Variants in CRMP1 observed in about 807,000 individuals in gnomAD.
The protein encoded by CRMP1 is dihydropyrimidinase-related protein 1.
Under a neutral mutation model 68.3 loss-of-function variants are expected in CRMP1, and 19 were observed. That is an observed-to-expected ratio of 0.28 (90% CI 0.19 to 0.41). CRMP1 has a LOEUF of 0.41. CRMP1 is among the 10% of genes least tolerant of loss of function. The probability of loss-of-function intolerance (pLI) is 1.00; values close to 1 mark genes in which losing one functional copy is unlikely to be tolerated. For missense variants in CRMP1, 791 were observed against 967.4 expected, an observed-to-expected ratio of 0.82 and a Z score of 2.42; for synonymous variants, 439 against 399.6, an observed-to-expected ratio of 1.10 and a Z score of -1.18.
rs1713347312 is a variant in CRMP1 at position 5,858,992 on chromosome 4, A to C, written c.655+2034T>G. Among the ~76,000 whole-genome samples, 1 of 152,074 alleles carries C rather than the reference A, an allele frequency of 6.6e-6. No homozygotes were observed. Among genetic ancestry groups the C allele is most frequent in the Admixed American group, 6.6e-5 (1 of 15,266 alleles). On this transcript the variant is annotated intron_variant, in intron 3 of 13. Coordinates refer to ENST00000324989, the MANE Select transcript of CRMP1 (RefSeq NM_001014809.3). This position sits in a 1 kb window ranked among gnomAD's most constrained non-coding sequence, Gnocchi z 5.5. ...TCCTTCAGATCCCTGTACGAATGTC[A>C]CTTCTTCAGAGAACACTTCCCTGAG...
Position 5,865,107 on chromosome 4 carries a change from A to T in CRMP1, c.470+1561T>A, listed in dbSNP as rs1210472071. Among the ~76,000 whole-genome samples, 1 of 151,180 alleles carries T rather than the reference A, an allele frequency of 6.6e-6. No individual in the cohort carries two copies. Among genetic ancestry groups the T allele is most frequent in the Admixed American group, 6.6e-5 (1 of 15,192 alleles). ...CTCCATCATCATCTCCAAAGCCCAC[A>T]CGGGCCCCAGGATGATCCTGTTAAC... is the stretch of plus-strand genomic sequence containing the variant. On this transcript the variant is annotated intron_variant, in intron 2 of 13. Transcript: ENST00000324989. The surrounding 1 kb of genome is among the most constrained non-coding windows in gnomAD (Gnocchi z 4.1).
chr4:5,872,330 C>T lies in CRMP1; in HGVS notation c.382-5574G>A, dbSNP rs1442130186. On this transcript the variant is annotated intron_variant, in intron 1 of 13. Transcript: ENST00000324989. The surrounding 1 kb of genome is among the most constrained non-coding windows in gnomAD (Gnocchi z 4.6). Reference sequence around the variant, plus strand: ...TACCGGTGCCGTCTATTGCCTCTCACGGGGTTACTGTGAGGGGAAAACAGC... The same window carrying T: ...TACCGGTGCCGTCTATTGCCTCTCATGGGGTTACTGTGAGGGGAAAACAGC... 2.6e-5 allele frequency among the ~76,000 whole-genome samples: 4 copies of T among 152,100 alleles called. No individual in the cohort carries two copies. Among genetic ancestry groups the T allele is most frequent in the Admixed American group, 6.6e-5 (1 of 15,266 alleles).
At position 5,860,176 on chromosome 4, in the gene CRMP1, G is replaced by T. The variant is rs548707767; in HGVS notation, c.655+850C>A. Among the ~76,000 whole-genome samples, 1 of 152,040 alleles carries T rather than the reference G, an allele frequency of 6.6e-6. No individual in the cohort carries two copies. The highest frequency in any genetic ancestry group is 1.5e-5 in the Non-Finnish European group (1 of 68,026). ...GTGTGCTCCTGTCAACTTTGGGCTC[G>T]GCCACATGACTGACCTTGGCCAATG... is the stretch of plus-strand genomic sequence containing the variant. On this transcript the variant is annotated intron_variant, in intron 3 of 13. Coordinates refer to ENST00000324989, the MANE Select transcript of CRMP1 (RefSeq NM_001014809.3). This position sits in a 1 kb window ranked among gnomAD's most constrained non-coding sequence, Gnocchi z 4.2.
Position 5,861,345 on chromosome 4 carries a change from C to G in CRMP1, c.471-135G>C. The G allele has an allele frequency of 1.2e-6, 1 of 867,030 alleles. No homozygotes were observed. Among genetic ancestry groups the G allele is most frequent in the Non-Finnish European group, 1.8e-6 (1 of 563,118 alleles). The allele number at this position is 867,030 out of a possible 1,614,324, so 53.7% of individuals were successfully genotyped here. ...CAAGGCCCTGGGGAGACAGAGATAA[C>G]TCAGGCAGGGCACATGCCCTCAAGG... is the stretch of plus-strand genomic sequence containing the variant. On this transcript the variant is annotated intron_variant, in intron 2 of 13. Transcript: ENST00000324989. The surrounding 1 kb of genome is among the most constrained non-coding windows in gnomAD (Gnocchi z 6.0).
At chr4:5,849,502 A>T in intron 5 of CRMP1, 30 bp from the exon 6 acceptor site, 2 of 1,448,372 alleles carry the variant, frequency 1.4e-6, no homozygotes, top group Non-Finnish European at 1.9e-6. Context: ...GGTTGGTGTG[A>T]GATTTAAAAA....
rs1365010059 is a variant in CRMP1 at position 5,891,169 on chromosome 4, CACACAT to C, written c.381+1414_381+1419del. Among the ~76,000 whole-genome samples the C allele has an allele frequency of 4.0e-5, 5 of 123,460 alleles. No individual in the cohort carries two copies. The highest frequency in any genetic ancestry group is 1.5e-4 in the African/African-American group (5 of 32,826). The allele number at this position is 123,460 out of a possible 152,430, so 81.0% of individuals were successfully genotyped here. A position where few individuals can be genotyped will look rare whatever the true frequency, so the allele number is the denominator to read the frequency against. On this transcript the variant is annotated intron_variant, in intron 1 of 13. Coordinates refer to ENST00000324989, the MANE Select transcript of CRMP1 (RefSeq NM_001014809.3). The surrounding 1 kb of genome is among the most constrained non-coding windows in gnomAD (Gnocchi z 5.2). ...CCTTTCTGATCACCCCACCACCACACACACATACACACACACACACACACACACACA... is the reference window on the plus strand; with the variant it reads ...CCTTTCTGATCACCCCACCACCACACACACACACACACACACACACACACA...
intron 1 of CRMP1, among the ~76,000 whole-genome samples, chr4:5,875,131 C>T (rs1714719998): frequency 2.0e-5 from 3 of 152,046 alleles, no homozygotes; most frequent in South Asian, 4.2e-4. Context: ...TTAGGTTGAG[C>T]TCTGCTTACA....
intron 11 of CRMP1, 105 bp from the exon 12 acceptor site, chr4:5,828,773 GT>G (rs905541581): frequency 1.6e-4 from 206 of 1,295,602 alleles, no homozygotes; most frequent in African/African-American, 1.3e-3. Flanking sequence ...GTGTTCCAAT[GT>G]TTTTTTTTCT....
At chr4:5,851,518 A>G in intron 4 of CRMP1, 49 bp from the exon 5 acceptor site, 2 of 1,556,822 alleles carry the variant, frequency 1.3e-6, no homozygotes, top group Non-Finnish European at 1.8e-6. Flanking sequence ...AAAAAACAGA[A>G]GCATGTCTTT....
chr4:5,887,953 C>A, intron 1 of CRMP1: 1 of 577,620 alleles, frequency 1.7e-6, no homozygotes, highest in Non-Finnish European at 2.5e-6. Flanking sequence ...ACGCCATCCT[C>A]TGGCACATCC....
At chr4:5,849,837 A>G (rs1712492954) in intron 5 of CRMP1, among the ~76,000 whole-genome samples, 1 of 152,330 alleles carries the variant, frequency 6.6e-6, no homozygotes, top group South Asian at 2.1e-4. Context: ...CTGAGAAGTC[A>G]CTGTTAGTTT....
At chr4:5,885,091 C>G (rs1715485689) in intron 1 of CRMP1, among the ~76,000 whole-genome samples, 1 of 151,894 alleles carries the variant, frequency 6.6e-6, no homozygotes, top group Non-Finnish European at 1.5e-5. Context: ...CCGTCTCTAA[C>G]CGGCTACTAT....
rs189559936 is a variant in CRMP1, at chr4:5,877,104, C to T, written c.382-10348G>A. Among the ~76,000 whole-genome samples the T allele has an allele frequency of 2.4e-3, 369 of 152,258 alleles. 3 individuals are homozygous for T. Among genetic ancestry groups the T allele is most frequent in the African/African-American group, 8.4e-3 (350 of 41,546 alleles). On this transcript the variant is annotated intron_variant, in intron 1 of 13. Coordinates refer to ENST00000324989, the MANE Select transcript of CRMP1 (RefSeq NM_001014809.3). This position sits in a 1 kb window ranked among gnomAD's most constrained non-coding sequence, Gnocchi z 4.3. ...ACAGTCCACCTCCTGCCATGAAAAC[C>T]ACAGGACCCAAGGAGTGGCAGCCCC...
In CRMP1 at chr4:5,834,537, G is replaced by A. The variant is rs112158457; in HGVS notation, c.1623+1378C>T. Among the ~76,000 whole-genome samples the A allele has an allele frequency of 5.8e-3, 889 of 152,214 alleles. 6 individuals carry two copies. Among genetic ancestry groups the A allele is most frequent in the African/African-American group, 0.02 (843 of 41,516 alleles). On this transcript the variant is annotated intron_variant, in intron 11 of 13. Coordinates refer to ENST00000324989, the MANE Select transcript of CRMP1 (RefSeq NM_001014809.3). The surrounding 1 kb of genome is among the most constrained non-coding windows in gnomAD (Gnocchi z 4.3). Reference sequence around the variant, plus strand: ...ACTGAAATTCCCAGCCTCCAGAACCGTGAGCCACATAAATTTATTTTCTTA... The same window carrying A: ...ACTGAAATTCCCAGCCTCCAGAACCATGAGCCACATAAATTTATTTTCTTA...
At position 5,842,428 on chromosome 4, in the gene CRMP1, C is replaced by CAAAAAAAAAAAAAAAAAA. The variant is rs71171489; in HGVS notation, c.1032+647_1032+664dup. On this transcript the variant is annotated intron_variant, in intron 7 of 13. Coordinates refer to ENST00000324989, the MANE Select transcript of CRMP1 (RefSeq NM_001014809.3). The surrounding 1 kb of genome is among the most constrained non-coding windows in gnomAD (Gnocchi z 4.5). Reference sequence around the variant, plus strand: ...TGGGCAACAGAGAGAGACTCCATCTCAAAAAAAAAAAAAAAAAAAGAAAAG... The same window carrying CAAAAAAAAAAAAAAAAAA: ...TGGGCAACAGAGAGAGACTCCATCTCAAAAAAAAAAAAAAAAAAAAAAAAAAAAAAAAAAAAAGAAAAG... Among the ~76,000 whole-genome samples the CAAAAAAAAAAAAAAAAAA allele has an allele frequency of 1.0e-5, 1 of 99,086 alleles. No individual in the cohort carries two copies. 65.0% of individuals were successfully genotyped at this position (99,086 alleles called of 152,430 possible).
At position 5,843,444 on chromosome 4, in the gene CRMP1, C is replaced by G. The variant is rs568653387; in HGVS notation, c.964-283G>C. On this transcript the variant is annotated intron_variant, in intron 6 of 13. Coordinates refer to ENST00000324989, the MANE Select transcript of CRMP1 (RefSeq NM_001014809.3). This position sits in a 1 kb window ranked among gnomAD's most constrained non-coding sequence, Gnocchi z 4.1. ...AAGCAGGGTTATAAGACACGAGCTT[C>G]CAAGGCCACCCACCACTCTCTGAAT... is the stretch of plus-strand genomic sequence containing the variant. 5.3e-5 allele frequency among the ~76,000 whole-genome samples: 8 copies of G among 152,120 alleles called. No homozygotes were observed. The highest frequency in any genetic ancestry group is 1.2e-4 in the Non-Finnish European group (8 of 68,022).
intron 1 of CRMP1, among the ~76,000 whole-genome samples, chr4:5,880,992 G>A (rs1306597541): frequency 6.6e-6 from 1 of 152,150 alleles, no homozygotes. Flanking sequence ...AGATGGACAT[G>A]AGCAACAAGC....
At chr4:5,884,378 AACAC>A (rs957504772) in intron 1 of CRMP1, among the ~76,000 whole-genome samples, 4 of 151,446 alleles carry the variant, frequency 2.6e-5, no homozygotes, top group Non-Finnish European at 4.4e-5. Flanking sequence ...TGTTTAATCA[AACAC>A]ACACACACAC....
Position 5,851,438 on chromosome 4 carries a change from A to G in CRMP1, c.852T>C (p.Tyr284=). 6.2e-7 allele frequency: 1 copy of G among 1,614,230 alleles called. No individual in the cohort carries two copies. Among genetic ancestry groups the G allele is most frequent in the Non-Finnish European group, 8.5e-7 (1 of 1,180,030 alleles). ...GVNSFQVYMA[Y]KDVYQMSDSQ... ...TGTCGGACATTTGGTAGACATCCTT[A>G]TAGGCCATGTAGACTTGGAAGGAAT... Residue 284 remains tyrosine (Y), a synonymous_variant, in exon 5 of 14, where the codon TAT becomes TAC. Coordinates refer to ENST00000324989, the MANE Select transcript of CRMP1 (RefSeq NM_001014809.3).
Sources: gnomAD v4.1 joint callset for allele counts (sites outside exome capture counted in the v4.1 genomes callset) on GRCh38, gnomAD v4.1.1 for gene constraint, Gnocchi (gnomAD v3.1) non-coding constraint, MANE v1.5 for transcripts, NCBI Gene and HGNC (gene_info 2026-07-23, HGNC 2026-07-21) for gene names.